Variants in RNGTT observed in about 807,000 individuals in gnomAD.
The protein encoded by RNGTT is mRNA-capping enzyme.
A neutral mutation model predicts 79.3 loss-of-function variants in RNGTT; 33 were observed. The observed-to-expected ratio is 0.42, with a 90% CI of 0.32 to 0.56. RNGTT has a LOEUF of 0.56. RNGTT is among the 20% of genes least tolerant of loss of function. The probability of loss-of-function intolerance (pLI) is 0.17; values close to 1 mark genes in which losing one functional copy is unlikely to be tolerated. For missense variants in RNGTT, 497 were observed against 739.1 expected, an observed-to-expected ratio of 0.67 and a Z score of 3.80; for synonymous variants, 222 against 235.9, an observed-to-expected ratio of 0.94 and a Z score of 0.54.
intron 13 of RNGTT, among the ~76,000 whole-genome samples, chr6:88,743,304 A>AT (rs141326943): frequency 0.02 from 2,971 of 152,070 alleles, 35 homozygotes; most frequent in Non-Finnish European, 0.031. Context: ...TTTTTCTCCA[A>AT]TTTTTTTTAT....
At chr6:88,862,211 G>A (rs1562290917) in intron 8 of RNGTT, among the ~76,000 whole-genome samples, 1 of 152,158 alleles carries the variant, frequency 6.6e-6, no homozygotes, top group Non-Finnish European at 1.5e-5. Context: ...GTAGCTTCGG[G>A]ATGGGGACTA....
At chr6:88,955,719 A>T (rs1395323449) in intron 1 of RNGTT, among the ~76,000 whole-genome samples, 1 of 152,030 alleles carries the variant, frequency 6.6e-6, no homozygotes, top group Non-Finnish European at 1.5e-5. Context: ...ACAAACAAAA[A>T]ATACCAAACA....
chr6:88,645,641 G>A (rs368239810), intron 14 of RNGTT, among the ~76,000 whole-genome samples: 14 of 152,154 alleles, frequency 9.2e-5, no homozygotes, highest in Non-Finnish European at 1.6e-4. Flanking sequence ...GCATGGTACT[G>A]GTACCAAAAC....
chr6:88,768,910 T>C (rs1778556123), intron 13 of RNGTT, among the ~76,000 whole-genome samples: 1 of 152,100 alleles, frequency 6.6e-6, no homozygotes, highest in Non-Finnish European at 1.5e-5. Flanking sequence ...ATAGACATTA[T>C]AAAAAATCTT....
chr6:88,900,840 T>TAA (rs148990170), intron 6 of RNGTT, among the ~76,000 whole-genome samples: 2 of 144,074 alleles, frequency 1.4e-5, no homozygotes, highest in Non-Finnish European at 3.1e-5. Context: ...AAACAGTTTT[T>TAA]AAAAAAAAAA....
In RNGTT at chr6:88,854,558, C is replaced by G. The variant is rs543377928; in HGVS notation, c.897-794G>C. ...GACTTTAAATTATCCAGTGCTCTTTCTACCATACCTGTTAGCAAAACAGCT... is the reference window on the plus strand; with the variant it reads ...GACTTTAAATTATCCAGTGCTCTTTGTACCATACCTGTTAGCAAAACAGCT... On this transcript the variant is annotated intron_variant, in intron 8 of 15. Coordinates refer to ENST00000369485, the MANE Select transcript of RNGTT (RefSeq NM_003800.5). 8.5e-5 allele frequency among the ~76,000 whole-genome samples: 13 copies of G among 152,316 alleles called. No homozygotes were observed. In the East Asian group the frequency reaches 2.3e-3, roughly 27 times the overall value.
intron 13 of RNGTT, among the ~76,000 whole-genome samples, chr6:88,763,237 C>T (rs1432656071): frequency 6.6e-6 from 1 of 151,934 alleles, no homozygotes; most frequent in Non-Finnish European, 1.5e-5. Context: ...AGGCACTGTG[C>T]CTGGTGGAAG....
intron 13 of RNGTT, among the ~76,000 whole-genome samples, chr6:88,764,880 T>G (rs569644913): frequency 6.6e-6 from 1 of 152,250 alleles, no homozygotes; most frequent in Admixed American, 6.5e-5. Context: ...TGTTATTATT[T>G]CCAATGTGAT....
At chr6:88,690,583 G>A (rs983469443) in intron 13 of RNGTT, among the ~76,000 whole-genome samples, 6 of 151,758 alleles carry the variant, frequency 4.0e-5, no homozygotes, top group South Asian at 2.1e-4. Context: ...ATGGTGGCAC[G>A]TACCTGTAGT....
At chr6:88,905,436 T>C (rs1201162877) in intron 5 of RNGTT, among the ~76,000 whole-genome samples, 2 of 152,242 alleles carry the variant, frequency 1.3e-5, no homozygotes, top group Non-Finnish European at 2.9e-5. Context: ...TGGTCAGAGC[T>C]AGAAAGTACA....
intron 12 of RNGTT, among the ~76,000 whole-genome samples, chr6:88,772,363 C>T (rs1332512337): frequency 6.6e-6 from 1 of 151,926 alleles, no homozygotes; most frequent in Non-Finnish European, 1.5e-5. Context: ...GAACAATCTA[C>T]AGATTCAGTG....
At chr6:88,624,913 T>C (rs770508397) in intron 14 of RNGTT, among the ~76,000 whole-genome samples, 2 of 151,868 alleles carry the variant, frequency 1.3e-5, no homozygotes, top group Non-Finnish European at 2.9e-5. Context: ...GGCAAAAGAT[T>C]TGAACAGACA....
chr6:88,717,124 G>A (rs776221232), intron 13 of RNGTT, among the ~76,000 whole-genome samples: 1 of 152,160 alleles, frequency 6.6e-6, no homozygotes, highest in African/African-American at 2.4e-5. Flanking sequence ...GAGCTATAGT[G>A]TAGTAATACA....
chr6:88,771,371 AAT>A (rs1562244409), intron 12 of RNGTT, among the ~76,000 whole-genome samples: 13 of 138,738 alleles, frequency 9.4e-5, no homozygotes, highest in Non-Finnish European at 1.6e-4. Flanking sequence ...ACACACACAC[AAT>A]TTCTTTTCTC....
chr6:88,714,124 A>C (rs1187402588), intron 13 of RNGTT: 2 of 152,234 alleles, frequency 1.3e-5, no homozygotes, highest in African/African-American at 4.8e-5. Flanking sequence ...CCTCCCGAAG[A>C]TACACTACTT....
intron 14 of RNGTT, among the ~76,000 whole-genome samples, chr6:88,635,429 A>G (rs1773064067): frequency 6.6e-6 from 1 of 152,030 alleles, no homozygotes; most frequent in Non-Finnish European, 1.5e-5. Context: ...TTAACCTTCC[A>G]AGTCCTAGAA....
chr6:88,950,983 T>C (rs1462084500), intron 1 of RNGTT, among the ~76,000 whole-genome samples: 1 of 151,812 alleles, frequency 6.6e-6, no homozygotes, highest in Admixed American at 6.6e-5. Context: ...CTCAGCCTCA[T>C]GAGTAGCTGG....
chr6:88,955,648 A>T (rs1410819351), intron 1 of RNGTT, among the ~76,000 whole-genome samples: 2 of 152,096 alleles, frequency 1.3e-5, no homozygotes, highest in African/African-American at 4.8e-5. Context: ...GAATAAACTG[A>T]ACCCAAACCC....
chr6:88,612,967 C>A, intron 15 of RNGTT, 85 bp from the exon 16 acceptor site: 2 of 1,224,750 alleles, frequency 1.6e-6, no homozygotes, highest in Non-Finnish European at 2.3e-6. Context: ...GTTTTCATCC[C>A]AATATACTAA....
Sources: gnomAD v4.1 joint callset for allele counts (sites outside exome capture counted in the v4.1 genomes callset) on GRCh38, gnomAD v4.1.1 for gene constraint, MANE v1.5 for transcripts, NCBI Gene and HGNC (gene_info 2026-07-23, HGNC 2026-07-21) for gene names.